The following ADIPOQ variants were observed in gnomAD, a reference collection of about 807,000 sequenced individuals.
The protein encoded by ADIPOQ is adiponectin, C1Q and collagen domain containing, also known as adiponectin.
ADIPOQ carries 19 observed loss-of-function variants against 16.1 expected under a neutral mutation model. The ratio of observed to expected loss-of-function variants is 1.18; its 90% CI spans 0.82 to 1.73. ADIPOQ has a LOEUF of 1.73. Ranked by LOEUF, ADIPOQ falls within the 40% of genes most tolerant of loss-of-function variation. The pLI is 0.00. For missense variants in ADIPOQ, 323 were observed against 308.3 expected (o/e 1.05, Z -0.36); for synonymous variants, 124 against 125.5 (o/e 0.99, Z 0.08).
Position 186,853,414 on chromosome 3 carries a change from T to C in ADIPOQ, c.214+142T>C, listed in dbSNP as rs1452569164. 1.3e-5 allele frequency: 15 copies of C among 1,116,550 alleles called. No homozygotes were observed. In the Admixed American group the frequency reaches 2.9e-4, roughly 22 times the overall value. 69.2% of individuals were successfully genotyped at this position (1,116,550 alleles called of 1,614,324 possible). ...TAACCATAAGCAACCTGAAGTGATT[T>C]GGGGTTGGTCTTCCAAGGATGAGTG... On this transcript the variant is annotated intron_variant, in intron 2 of 2. Coordinates refer to ENST00000320741, the MANE Select transcript of ADIPOQ (RefSeq NM_004797.4).
intron 1 of ADIPOQ, chr3:186,852,154 C>T (rs1471834175): frequency 6.6e-6 from 1 of 152,368 alleles, no homozygotes; most frequent in East Asian, 1.9e-4. Context: ...TCAGTCACCT[C>T]CTACCAGGCC....
At chr3:186,849,584 G>C (rs1426188707) in intron 1 of ADIPOQ, among the ~76,000 whole-genome samples, 1 of 152,114 alleles carries the variant, frequency 6.6e-6, no homozygotes, top group Non-Finnish European at 1.5e-5. Context: ...AATGATGGTA[G>C]TGGGTCTTAA....
Position 186,853,279 on chromosome 3 carries a change from A to C in ADIPOQ, c.214+7A>C. On this transcript the variant is annotated splice_region_variant and intron_variant, in intron 2 of 2. Transcript: ENST00000320741. ...GGTGAGAAAGGAGATCCAGGTAAGA[A>C]TGTTTCTGGCCTCTTTCATCACAGA... 1 of 1,583,298 alleles carries C rather than the reference A, an allele frequency of 6.3e-7. No homozygotes were observed.
chr3:186,853,229 C>T lies in ADIPOQ; in HGVS notation c.171C>T (p.Gly57=), dbSNP rs759870195. 1 of 1,612,964 alleles carries T rather than the reference C, an allele frequency of 6.2e-7. No homozygotes were observed. ...ATAATGGGGCCCCAGGCCGTGATGG[C>T]AGAGATGGCACCCCTGGTGAGAAGG... is the stretch of plus-strand genomic sequence containing the variant. The part of the protein sequence containing the change: ...PGHNGAPGRD[G]RDGTPGEKGE... The change falls in exon 2 of 3, where the codon GGC becomes GGT. Residue 57 remains glycine (G), a synonymous_variant. Transcript: ENST00000320741.
intron 1 of ADIPOQ, among the ~76,000 whole-genome samples, chr3:186,850,990 G>A (rs1418163896): frequency 1.3e-5 from 2 of 152,132 alleles, no homozygotes; most frequent in African/African-American, 2.4e-5. Context: ...GATGTGCCAC[G>A]TGAAGAGGGT....
chr3:186,853,439 G>A (rs1017912319), intron 2 of ADIPOQ, among the ~76,000 whole-genome samples, 167 bp downstream of exon 2: 1 of 152,266 alleles, frequency 6.6e-6, no homozygotes, highest in African/African-American at 2.4e-5. Context: ...AAGGATGAGT[G>A]TAGATGGTGC....
intron 1 of ADIPOQ, among the ~76,000 whole-genome samples, chr3:186,851,099 C>T (rs1375240437): frequency 1.3e-5 from 2 of 152,136 alleles, no homozygotes; most frequent in East Asian, 1.9e-4. Flanking sequence ...TCTTCCATCC[C>T]TCACAGAGGA....
chr3:186,850,805 A>G (rs1312453561), intron 1 of ADIPOQ, among the ~76,000 whole-genome samples: 1 of 152,102 alleles, frequency 6.6e-6, no homozygotes, highest in African/African-American at 2.4e-5. Context: ...TGATTCCACT[A>G]TGTTTAAAAA....
At chr3:186,850,098 G>A (rs574813139) in intron 1 of ADIPOQ, among the ~76,000 whole-genome samples, 23 of 151,988 alleles carry the variant, frequency 1.5e-4, no homozygotes, top group Admixed American at 1.2e-3. Flanking sequence ...GTGAAACCCC[G>A]TCTCTACTAA....
intron 1 of ADIPOQ, chr3:186,845,675 T>C (rs1711559109): frequency 6.6e-6 from 1 of 152,118 alleles, no homozygotes; most frequent in South Asian, 2.1e-4. Flanking sequence ...CCCGGCCCAT[T>C]TTGACTTTTA....
rs972551158 is a variant in ADIPOQ at position 186,854,770 on chromosome 3, G to T, written c.*66G>T. On this transcript the variant is annotated 3_prime_UTR_variant, in exon 3 of 3. Coordinates refer to ENST00000320741, the MANE Select transcript of ADIPOQ (RefSeq NM_004797.4). ...AAAGTCAATTAAAGGCTTTCAGTAC[G>T]GTTAGGAAGTTGATTATTATTTAGT... is the stretch of plus-strand genomic sequence containing the variant. 6.4e-7 allele frequency: 1 copy of T among 1,574,498 alleles called. No individual in the cohort carries two copies. The highest frequency in any genetic ancestry group is 8.7e-7 in the Non-Finnish European group (1 of 1,148,088).
chr3:186,852,597 GA>G, intron 1 of ADIPOQ: 1 of 182,270 alleles, frequency 5.5e-6, no homozygotes, highest in East Asian at 1.4e-4. Flanking sequence ...AATAGACACA[GA>G]AAATGAGAGA....
chr3:186,845,050 A>G (rs559824522), intron 1 of ADIPOQ, among the ~76,000 whole-genome samples: 15 of 151,356 alleles, frequency 9.9e-5, no homozygotes, highest in Middle Eastern at 3.4e-3. Context: ...GACAGTATGT[A>G]TGTGTGTGAG....
At chr3:186,852,841 G>T (rs2108491137) in intron 1 of ADIPOQ, 2 of 579,964 alleles carry the variant, frequency 3.4e-6, no homozygotes, top group East Asian at 2.9e-5. Context: ...TACACACAGG[G>T]AATAATGCTA....
chr3:186,848,341 G>C (rs554590777), intron 1 of ADIPOQ, among the ~76,000 whole-genome samples: 3 of 151,712 alleles, frequency 2.0e-5, no homozygotes, highest in African/African-American at 7.3e-5. Context: ...CAAGCAAAGT[G>C]TAACAATGGC....
At position 186,854,210 on chromosome 3, in the gene ADIPOQ, G is replaced by A. The variant is rs750108412; in HGVS notation, c.241G>A (p.Gly81Ser). The A allele has an allele frequency of 6.8e-6, 11 of 1,613,256 alleles. No individual in the cohort carries two copies. Among genetic ancestry groups the A allele is most frequent in the Admixed American group, 1.7e-5 (1 of 59,950 alleles). ...TCTTATTGGTCCTAAGGGAGACATC[G>A]GTGAAACCGGAGTACCCGGGGCTGA... is the stretch of plus-strand genomic sequence containing the variant. ...PGLIGPKGDI[G>S]ETGVPGAEGP... The change falls in exon 3 of 3, where the codon GGT (glycine) becomes AGT (serine). Residue 81 changes from glycine (G) to serine (S), a missense_variant. By Grantham distance (56) the Gly-to-Ser change is moderately conservative. Transcript: ENST00000320741.
intron 1 of ADIPOQ, among the ~76,000 whole-genome samples, chr3:186,851,085 T>G (rs573026484): frequency 6.6e-6 from 1 of 152,232 alleles, no homozygotes; most frequent in African/African-American, 2.4e-5. Context: ...CCAATCACGG[T>G]CTTTCTTCCA....
At chr3:186,853,679 G>T in intron 2 of ADIPOQ, 1 of 250,106 alleles carries the variant, frequency 4.0e-6, no homozygotes, top group South Asian at 6.0e-5. Flanking sequence ...TAATGTGCAA[G>T]GCTCTGTTGG....
intron 1 of ADIPOQ, among the ~76,000 whole-genome samples, chr3:186,843,368 G>T (rs770830649): frequency 1.3e-5 from 2 of 152,092 alleles, no homozygotes; most frequent in Non-Finnish European, 2.9e-5. Flanking sequence ...TAATCAAGAG[G>T]TTCTAATGAG....
Sources: gnomAD v4.1 joint callset for allele counts (sites outside exome capture counted in the v4.1 genomes callset) on GRCh38, gnomAD v4.1.1 for gene constraint, MANE v1.5 for transcripts, NCBI Gene and HGNC (gene_info 2026-07-23, HGNC 2026-07-21) for gene names.